AGBL1: variants seen among roughly 807,000 people sequenced by gnomAD.
The protein encoded by AGBL1 is AGBL carboxypeptidase 1.
AGBL1 carries 130 observed loss-of-function variants against 118.9 expected under a neutral mutation model. That is an observed-to-expected ratio of 1.09 (90% CI 0.95 to 1.26). AGBL1 has a LOEUF of 1.26. Ranked by LOEUF, AGBL1 falls within the 50% of genes most tolerant of loss-of-function variation. AGBL1 has a pLI of 0.00. For missense variants in AGBL1, 1,584 were observed against 1,298.1 expected, an observed-to-expected ratio of 1.22 and a Z score of -3.38; for synonymous variants, 555 against 478.9, an observed-to-expected ratio of 1.16 and a Z score of -2.08.
intron 22 of AGBL1, among the ~76,000 whole-genome samples, chr15:86,718,994 G>T (rs978072480): frequency 6.6e-6 from 1 of 151,974 alleles, no homozygotes; most frequent in East Asian, 1.9e-4. Flanking sequence ...TGAAATCAAC[G>T]ATCTATCCCT....
chr15:86,873,975 T>A (rs56221132), intron 22 of AGBL1, among the ~76,000 whole-genome samples: 8,449 of 152,260 alleles, frequency 0.055, 294 homozygotes, highest in South Asian at 0.098. Flanking sequence ...TTGGCTCTAT[T>A]ACCTATTAAG....
chr15:86,720,579 A>G (rs540081776), intron 22 of AGBL1, among the ~76,000 whole-genome samples: 1 of 152,154 alleles, frequency 6.6e-6, no homozygotes, highest in Non-Finnish European at 1.5e-5. Flanking sequence ...TCAGCTTTTC[A>G]TTGCTCTGGT....
chr15:86,453,809 C>G (rs754849226), intron 18 of AGBL1, among the ~76,000 whole-genome samples: 1 of 151,956 alleles, frequency 6.6e-6, no homozygotes, highest in African/African-American at 2.4e-5. Context: ...CCCAGCCTTA[C>G]CCATTGGAAA....
chr15:87,016,484 C>T (rs1234202235), intron 24 of AGBL1, among the ~76,000 whole-genome samples: 1 of 152,162 alleles, frequency 6.6e-6, no homozygotes, highest in Non-Finnish European at 1.5e-5. Context: ...ATACTTATCT[C>T]TCTGGCCTTT....
intron 18 of AGBL1, among the ~76,000 whole-genome samples, chr15:86,502,575 G>C (rs954481889): frequency 8.1e-5 from 12 of 147,694 alleles, no homozygotes; most frequent in Admixed American, 6.8e-5. Context: ...GGGTTTATCA[G>C]GTTGAAGAAG....
chr15:86,115,406 T>A (rs915884023), intron 1 of AGBL1, among the ~76,000 whole-genome samples: 5 of 152,240 alleles, frequency 3.3e-5, no homozygotes. Context: ...GGCTATTTCT[T>A]TCTTTCTTTT....
intron 23 of AGBL1, among the ~76,000 whole-genome samples, chr15:86,984,659 C>A (rs891666636): frequency 1.3e-5 from 2 of 152,112 alleles, no homozygotes; most frequent in Non-Finnish European, 2.9e-5. Context: ...CCACCACGCC[C>A]GGCCTGTTTT....
At chr15:87,022,667 G>A (rs1435894032) in intron 24 of AGBL1, among the ~76,000 whole-genome samples, 1 of 152,048 alleles carries the variant, frequency 6.6e-6, no homozygotes, top group Non-Finnish European at 1.5e-5. Context: ...GGTTATATAA[G>A]TTAAGACGGA....
rs146371196 is a variant in AGBL1, at chr15:86,416,625, G to A, written c.2555+19079G>A. Among the ~76,000 whole-genome samples, 1,261 of 152,250 alleles carry A rather than the reference G, an allele frequency of 8.3e-3. 20 individuals carry two copies. The highest frequency in any genetic ancestry group is 0.029 in the African/African-American group (1,208 of 41,548). On this transcript the variant is annotated intron_variant, in intron 18 of 22. Coordinates refer to ENST00000614907, the MANE Select transcript of AGBL1 (RefSeq NM_001386094.1). The stretch of plus-strand genomic sequence containing the variant: ...CTATTAATCTAGCCATCTTGGCAGT[G>A]CATTATTGAGTGTTCTAATTCAGTG...
At position 86,666,907 on chromosome 15, in the gene AGBL1, C is replaced by T. The variant is rs114955649; in HGVS notation, c.2995-7366C>T. ...GGACTGTAACCCCAGCAATATGGGT[C>T]TTGGGGCCTGTGTTTACACACACCA... On this transcript the variant is annotated intron_variant, in intron 21 of 22. Transcript: ENST00000614907. Among the ~76,000 whole-genome samples, 759 of 152,238 alleles carry T rather than the reference C, an allele frequency of 5.0e-3. 4 individuals carry two copies. The highest frequency in any genetic ancestry group is 0.017 in the African/African-American group (713 of 41,542).
intron 17 of AGBL1, among the ~76,000 whole-genome samples, chr15:86,354,158 C>T (rs2080676637): frequency 6.6e-6 from 1 of 152,114 alleles, no homozygotes; most frequent in Non-Finnish European, 1.5e-5. Flanking sequence ...ATACTTTCTC[C>T]CAGAAGCTGG....
intron 5 of AGBL1, among the ~76,000 whole-genome samples, chr15:86,189,006 A>G (rs1035836456): frequency 1.1e-4 from 16 of 152,204 alleles, no homozygotes; most frequent in African/African-American, 3.6e-4. Context: ...AGTTGTGACA[A>G]TTATATGGAA....
intron 17 of AGBL1, among the ~76,000 whole-genome samples, chr15:86,380,956 G>A (rs1052758483): frequency 1.3e-5 from 2 of 149,712 alleles, no homozygotes; most frequent in African/African-American, 5.0e-5. Flanking sequence ...GTGTGTGTGT[G>A]TGTACCAGTC....
intron 1 of AGBL1, among the ~76,000 whole-genome samples, chr15:86,086,555 T>C (rs879551208): frequency 2.0e-5 from 3 of 152,178 alleles, no homozygotes; most frequent in Admixed American, 6.5e-5. Flanking sequence ...AAACAGGGCA[T>C]GATAGAAAAC....
intron 22 of AGBL1, among the ~76,000 whole-genome samples, chr15:86,710,211 T>C (rs543556001): frequency 3.4e-4 from 52 of 152,274 alleles, no homozygotes; most frequent in Non-Finnish European, 6.2e-4. Context: ...TTCAGATGCA[T>C]TACAATGCTT....
chr15:86,971,363 C>A (rs2081106885), intron 23 of AGBL1, among the ~76,000 whole-genome samples: 1 of 152,114 alleles, frequency 6.6e-6, no homozygotes, highest in South Asian at 2.1e-4. Context: ...TTGCCATCTA[C>A]TACGTGTTTC....
chr15:87,025,913 C>G (rs1054969414), intron 24 of AGBL1, among the ~76,000 whole-genome samples: 1 of 151,952 alleles, frequency 6.6e-6, no homozygotes, highest in South Asian at 2.1e-4. Flanking sequence ...GGGGAAAGGA[C>G]ACCCTTTTCA....
chr15:86,856,163 T>C (rs1481994208), intron 22 of AGBL1, among the ~76,000 whole-genome samples: 1 of 152,184 alleles, frequency 6.6e-6, no homozygotes, highest in Non-Finnish European at 1.5e-5. Context: ...CTCCAGGCTA[T>C]GTCTTTGTCC....
chr15:86,720,747 G>C (rs2086705735), intron 22 of AGBL1, among the ~76,000 whole-genome samples: 1 of 152,144 alleles, frequency 6.6e-6, no homozygotes, highest in Non-Finnish European at 1.5e-5. Context: ...GAAGTGGATA[G>C]ATCGCTAGCA....
Sources: allele counts gnomAD v4.1 joint callset (sites outside exome capture counted in the v4.1 genomes callset), GRCh38; gene constraint gnomAD v4.1.1; transcripts MANE v1.5; gene names NCBI Gene and HGNC (gene_info 2026-07-23, HGNC 2026-07-21).